LMTK2: variants seen among roughly 807,000 people sequenced by gnomAD.
The protein encoded by LMTK2 is serine/threonine-protein kinase LMTK2.
A neutral mutation model predicts 127.5 loss-of-function variants in LMTK2; 37 were observed. The ratio of observed to expected loss-of-function variants is 0.29; its 90% CI spans 0.22 to 0.38. LMTK2 has a LOEUF of 0.38. Ranked by LOEUF, LMTK2 falls within the 10% of genes least tolerant of loss-of-function variation. The pLI is 1.00. For synonymous variants in LMTK2, 819 were observed against 810.1 expected (o/e 1.01, Z -0.19); for missense variants, 1,694 against 1,920.3 (o/e 0.88, Z 2.20).
At position 98,193,942 on chromosome 7, in the gene LMTK2, G is replaced by T; in HGVS notation, c.3477G>T (p.Gln1159His). ...QDSCLEARKS[Q>H]PDESCLSALH... ...GCTGCCTGGAAGCCAGAAAGAGCCA[G>T]CCAGATGAAAGTTGTCTGTCTGCTT... The change falls in exon 11 of 14, where the codon CAG becomes CAT. Residue 1159 changes from glutamine to histidine, a missense_variant. Physicochemically the swap from Gln to His is conservative, Grantham distance 24. Around this residue, in one of 8 missense-constraint regions of LMTK2, gnomAD observed 554 missense variants for 567.7 expected, o/e 0.98. Transcript: ENST00000297293. The surrounding 1 kb of genome is among the most constrained non-coding windows in gnomAD (Gnocchi z 4.1). 1 of 1,614,118 alleles carries T rather than the reference G, an allele frequency of 6.2e-7. No individual in the cohort carries two copies. The highest frequency in any genetic ancestry group is 8.5e-7 in the Non-Finnish European group (1 of 1,180,044).
intron 3 of LMTK2, among the ~76,000 whole-genome samples, chr7:98,144,061 C>A (rs1480824214): frequency 2.6e-5 from 4 of 151,674 alleles, no homozygotes; most frequent in African/African-American, 4.8e-5. Flanking sequence ...TTCTTTTTTT[C>A]TATTTTTAAA....
At chr7:98,150,095 G>T (rs1266385265) in intron 3 of LMTK2, among the ~76,000 whole-genome samples, 6 of 152,056 alleles carry the variant, frequency 3.9e-5, no homozygotes, top group Non-Finnish European at 7.4e-5. Flanking sequence ...GGATCACAAG[G>T]TTAGGAGTTT....
In LMTK2 at chr7:98,205,519, C is replaced by G; in HGVS notation, c.*27C>G. 6.2e-7 allele frequency: 1 copy of G among 1,611,080 alleles called. No homozygotes were observed. The highest frequency in any genetic ancestry group is 8.5e-7 in the Non-Finnish European group (1 of 1,179,752). On this transcript the variant is annotated 3_prime_UTR_variant, in exon 14 of 14. Transcript: ENST00000297293. ...TGGCTGCCAACGCGCACGCTCGGGTCCGAGGCTGCTCCCCTGGAGCGGCGC... is the reference window on the plus strand; with the variant it reads ...TGGCTGCCAACGCGCACGCTCGGGTGCGAGGCTGCTCCCCTGGAGCGGCGC...
intron 3 of LMTK2, among the ~76,000 whole-genome samples, chr7:98,148,073 G>A (rs1584262932): frequency 6.6e-6 from 1 of 152,254 alleles, no homozygotes; most frequent in East Asian, 1.9e-4. Flanking sequence ...GCTTGTGCCT[G>A]TAGTCCCAGC....
chr7:98,205,513 T>A lies in LMTK2; in HGVS notation c.*21T>A. The A allele has an allele frequency of 6.2e-7, 1 of 1,611,656 alleles. No individual in the cohort carries two copies. The highest frequency in any genetic ancestry group is 8.5e-7 in the Non-Finnish European group (1 of 1,179,894). On this transcript the variant is annotated 3_prime_UTR_variant, in exon 14 of 14. Coordinates refer to ENST00000297293, the MANE Select transcript of LMTK2 (RefSeq NM_014916.4). ...ACTAGGTGGCTGCCAACGCGCACGCTCGGGTCCGAGGCTGCTCCCCTGGAG... is the reference window on the plus strand; with the variant it reads ...ACTAGGTGGCTGCCAACGCGCACGCACGGGTCCGAGGCTGCTCCCCTGGAG...
At chr7:98,159,541 A>T in intron 6 of LMTK2, 116 bp downstream of exon 6, 1 of 715,078 alleles carries the variant, frequency 1.4e-6, no homozygotes, top group Non-Finnish European at 2.5e-6. Context: ...CACTTGAAGA[A>T]CTTTATGATG....
At chr7:98,137,189 T>C in intron 1 of LMTK2, 126 bp from the exon 2 acceptor site, 1 of 840,976 alleles carries the variant, frequency 1.2e-6, no homozygotes, top group Non-Finnish European at 1.8e-6. Flanking sequence ...GATCATCAGC[T>C]TTTTCTCGAG....
At chr7:98,153,609 C>T (rs1462384151) in intron 4 of LMTK2, among the ~76,000 whole-genome samples, 8 of 152,144 alleles carry the variant, frequency 5.3e-5, no homozygotes, top group African/African-American at 1.9e-4. Flanking sequence ...CGGTAGCTCA[C>T]GCCTGTAATT....
intron 6 of LMTK2, among the ~76,000 whole-genome samples, chr7:98,166,769 G>A (rs1797107974): frequency 1.3e-5 from 2 of 152,304 alleles, no homozygotes; most frequent in Middle Eastern, 3.4e-3. Flanking sequence ...GGTGCAGTAG[G>A]CTGACCATCT....
intron 7 of LMTK2, among the ~76,000 whole-genome samples, chr7:98,184,343 T>C (rs1467802937): frequency 6.6e-6 from 1 of 152,160 alleles, no homozygotes; most frequent in African/African-American, 2.4e-5. Context: ...GACTGTCTTT[T>C]CCTGGTGCTG....
intron 11 of LMTK2, among the ~76,000 whole-genome samples, chr7:98,202,687 C>T (rs185205582): frequency 5.9e-5 from 9 of 152,288 alleles, no homozygotes; most frequent in Admixed American, 4.6e-4. Flanking sequence ...ACCTGCCCCA[C>T]GTGTGTGCCC....
intron 13 of LMTK2, among the ~76,000 whole-genome samples, chr7:98,205,127 T>A (rs1797769637): frequency 6.6e-6 from 1 of 152,238 alleles, no homozygotes; most frequent in Non-Finnish European, 1.5e-5. Flanking sequence ...AAATATGGAA[T>A]ACAAAGAGGC....
chr7:98,140,438 C>T (rs1796679409), intron 2 of LMTK2, among the ~76,000 whole-genome samples: 1 of 152,104 alleles, frequency 6.6e-6, no homozygotes, highest in African/African-American at 2.4e-5. Flanking sequence ...AGGCATGAGC[C>T]ACTTTGCCTG....
At chr7:98,153,408 G>T (rs1457323852) in intron 4 of LMTK2, among the ~76,000 whole-genome samples, 2 of 152,164 alleles carry the variant, frequency 1.3e-5, no homozygotes, top group African/African-American at 4.8e-5. Context: ...CTTACAAATG[G>T]AGTAAGATGA....
At chr7:98,113,801 T>C (rs1181589379) in intron 1 of LMTK2, among the ~76,000 whole-genome samples, 1 of 152,232 alleles carries the variant, frequency 6.6e-6, no homozygotes, top group Non-Finnish European at 1.5e-5. Flanking sequence ...AATTAGCATG[T>C]CTGCAGAGCA....
chr7:98,197,132 G>A (rs1797633381), intron 11 of LMTK2, among the ~76,000 whole-genome samples: 3 of 152,256 alleles, frequency 2.0e-5, no homozygotes, highest in African/African-American at 7.2e-5. Context: ...TGTCAGTTCA[G>A]CAAATACTTA....
chr7:98,180,914 G>A (rs1311494747), intron 7 of LMTK2, among the ~76,000 whole-genome samples: 2 of 152,092 alleles, frequency 1.3e-5, no homozygotes, highest in Non-Finnish European at 2.9e-5. Context: ...GCTGGTTCCG[G>A]TTCCGTGAGC....
intron 1 of LMTK2, among the ~76,000 whole-genome samples, chr7:98,126,255 C>T (rs780056875): frequency 7.2e-5 from 11 of 152,140 alleles, no homozygotes; most frequent in African/African-American, 9.7e-5. Flanking sequence ...GCCATTGACT[C>T]GCCTGCACAT....
Position 98,191,582 on chromosome 7 carries a change from G to A in LMTK2, c.1149-32G>A, listed in dbSNP as rs758111541. 6.6e-6 allele frequency: 10 copies of A among 1,509,340 alleles called. No individual in the cohort carries two copies. The East Asian group carries it at 2.3e-4, about 34-fold the overall frequency. The allele number at this position is 1,509,340 out of a possible 1,614,324, so 93.5% of individuals were successfully genotyped here. On this transcript the variant is annotated intron_variant, in intron 10 of 13. Transcript: ENST00000297293. ...AAAAAAAAAAAAAAAATTCGTGATG[G>A]TTCCACTGATTGCTTGTCGTGTGCT... is the stretch of plus-strand genomic sequence containing the variant.
Sources: gnomAD v4.1 joint callset for allele counts (sites outside exome capture counted in the v4.1 genomes callset) on GRCh38, gnomAD v4.1.1 for gene constraint, gnomAD v4.1.1 regional missense constraint, Gnocchi (gnomAD v3.1) non-coding constraint, MANE v1.5 for transcripts, NCBI Gene and HGNC (gene_info 2026-07-23, HGNC 2026-07-21) for gene names.